CHRM3: variants seen among roughly 807,000 people sequenced by gnomAD.
CHRM3 encodes the protein muscarinic acetylcholine receptor M3.
A neutral mutation model predicts 41.8 loss-of-function variants in CHRM3; 11 were observed. The ratio of observed to expected loss-of-function variants is 0.26; its 90% CI spans 0.17 to 0.44. CHRM3 has a LOEUF of 0.44. Among genes scored for constraint, CHRM3 ranks in the 20% least tolerant of loss-of-function variants. The probability of loss-of-function intolerance (pLI) is 1.00; values close to 1 mark genes in which losing one functional copy is unlikely to be tolerated. For synonymous variants in CHRM3, 297 were observed against 301.4 expected, an observed-to-expected ratio of 0.99 and a Z score of 0.15; for missense variants, 571 against 745.4, an observed-to-expected ratio of 0.77 and a Z score of 2.72.
intron 3 of CHRM3, among the ~76,000 whole-genome samples, chr1:239,605,334 G>A (rs1210906555): frequency 1.3e-5 from 2 of 152,130 alleles, no homozygotes; most frequent in Non-Finnish European, 2.9e-5. Flanking sequence ...TGTAACAACT[G>A]CCTACAGTAT....
chr1:239,717,483 A>G (rs1452872985), intron 5 of CHRM3, among the ~76,000 whole-genome samples: 1 of 151,980 alleles, frequency 6.6e-6, no homozygotes, highest in Non-Finnish European at 1.5e-5. Flanking sequence ...ACACACACAC[A>G]CATGATTTTT....
At chr1:239,440,194 T>A in intron 1 of CHRM3, among the ~76,000 whole-genome samples, 1 of 138,554 alleles carries the variant, frequency 7.2e-6, no homozygotes, top group African/African-American at 2.8e-5. Context: ...TGAGACTCTG[T>A]CTCAAAAAAA....
chr1:239,551,470 T>G (rs1244971698), intron 3 of CHRM3, among the ~76,000 whole-genome samples: 1 of 151,556 alleles, frequency 6.6e-6, no homozygotes, highest in East Asian at 1.9e-4. Context: ...CCTATGTTAT[T>G]ATTATTGTAG....
chr1:239,611,975 A>G (rs892242303), intron 3 of CHRM3, among the ~76,000 whole-genome samples: 1 of 152,230 alleles, frequency 6.6e-6, no homozygotes, highest in Non-Finnish European at 1.5e-5. Flanking sequence ...GAGTTTATGT[A>G]CATAGACTCA....
At chr1:239,878,989 G>A (rs991532577) in intron 6 of CHRM3, among the ~76,000 whole-genome samples, 2 of 152,120 alleles carry the variant, frequency 1.3e-5, no homozygotes, top group Non-Finnish European at 2.9e-5. Context: ...CAGAGAGAAT[G>A]AATCCAAACT....
intron 5 of CHRM3, among the ~76,000 whole-genome samples, chr1:239,710,923 C>T (rs941190177): frequency 6.6e-6 from 1 of 151,882 alleles, no homozygotes; most frequent in Non-Finnish European, 1.5e-5. Flanking sequence ...CCTTCTTTCC[C>T]AGCTTCGTTT....
intron 1 of CHRM3, among the ~76,000 whole-genome samples, chr1:239,420,285 C>A (rs549478756): frequency 2.0e-5 from 3 of 152,164 alleles, no homozygotes; most frequent in Non-Finnish European, 4.4e-5. Flanking sequence ...ATGTTTTCTT[C>A]ATCCTTGCTC....
intron 3 of CHRM3, chr1:239,629,398 G>A (rs923661252): frequency 2.2e-5 from 3 of 138,000 alleles, no homozygotes; most frequent in African/African-American, 5.9e-5. Context: ...TGCGCCCACT[G>A]TCTAGCACTC....
chr1:239,666,838 G>T (rs1673855686), intron 4 of CHRM3, among the ~76,000 whole-genome samples: 2 of 152,076 alleles, frequency 1.3e-5, no homozygotes, highest in Non-Finnish European at 2.9e-5. Flanking sequence ...CCCAGCTCTA[G>T]TAGGCCCAGT....
chr1:239,498,621 CTCTT>C (rs996051985), intron 2 of CHRM3, among the ~76,000 whole-genome samples: 3 of 152,092 alleles, frequency 2.0e-5, no homozygotes, highest in Non-Finnish European at 4.4e-5. Context: ...AAAACTCTCT[CTCTT>C]ACTGATTAAT....
At chr1:239,460,982 A>G (rs1665312668) in intron 1 of CHRM3, among the ~76,000 whole-genome samples, 1 of 152,194 alleles carries the variant, frequency 6.6e-6, no homozygotes, top group Non-Finnish European at 1.5e-5. Flanking sequence ...AATTCACTGG[A>G]CTTTCTTAAA....
chr1:239,789,526 G>A (rs940337319), intron 5 of CHRM3, among the ~76,000 whole-genome samples: 3 of 152,108 alleles, frequency 2.0e-5, no homozygotes, highest in African/African-American at 7.2e-5. Context: ...TTCTGATGAG[G>A]GCCTCAGGCT....
intron 3 of CHRM3, among the ~76,000 whole-genome samples, chr1:239,618,649 C>T (rs759898344): frequency 6.6e-6 from 1 of 151,292 alleles, no homozygotes; most frequent in Non-Finnish European, 1.5e-5. Context: ...TCGAGACCAT[C>T]CTGGCTAACA....
At chr1:239,559,606 A>G (rs1660677335) in intron 3 of CHRM3, among the ~76,000 whole-genome samples, 1 of 152,194 alleles carries the variant, frequency 6.6e-6, no homozygotes, top group African/African-American at 2.4e-5. Flanking sequence ...GAGCCTGATG[A>G]TGGCTTTAAC....
intron 2 of CHRM3, among the ~76,000 whole-genome samples, chr1:239,523,197 G>A (rs897224688): frequency 3.3e-5 from 5 of 151,886 alleles, no homozygotes; most frequent in South Asian, 2.1e-4. Context: ...GAATGTATAC[G>A]TATTATATTT....
intron 1 of CHRM3, among the ~76,000 whole-genome samples, chr1:239,429,370 C>T (rs1208190015): frequency 1.3e-5 from 2 of 152,138 alleles, no homozygotes; most frequent in Non-Finnish European, 2.9e-5. Context: ...ACTGATTGAA[C>T]TGAATTGAAT....
At chr1:239,851,036 G>A (rs1183591299) in intron 6 of CHRM3, among the ~76,000 whole-genome samples, 1 of 152,122 alleles carries the variant, frequency 6.6e-6, no homozygotes, top group Middle Eastern at 3.2e-3. Flanking sequence ...CCAAAGGACA[G>A]TGAAGCTACA....
At chr1:239,540,491 C>T (rs1323100651) in intron 2 of CHRM3, among the ~76,000 whole-genome samples, 3 of 152,038 alleles carry the variant, frequency 2.0e-5, no homozygotes, top group Non-Finnish European at 4.4e-5. Flanking sequence ...TATCTTGCAC[C>T]AGAAGAAATT....
chr1:239,768,017 A>G (rs1233652255), intron 5 of CHRM3, among the ~76,000 whole-genome samples: 1 of 152,192 alleles, frequency 6.6e-6, no homozygotes, highest in Non-Finnish European at 1.5e-5. Context: ...CTAAAGAACA[A>G]TAATTCCAGA....
Sources: gnomAD v4.1 joint callset for allele counts (sites outside exome capture counted in the v4.1 genomes callset) on GRCh38, gnomAD v4.1.1 for gene constraint, MANE v1.5 for transcripts, NCBI Gene and HGNC (gene_info 2026-07-23, HGNC 2026-07-21) for gene names.